Variants in GIT2 observed in about 807,000 individuals in gnomAD.
GIT2 encodes the protein GIT ArfGAP 2.
Under a neutral mutation model 100.3 loss-of-function variants are expected in GIT2, and 32 were observed. The observed-to-expected ratio is 0.32, with a 90% CI of 0.24 to 0.43. GIT2 has a LOEUF of 0.43. GIT2 is among the 20% of genes least tolerant of loss of function. The probability of loss-of-function intolerance (pLI) is 1.00; values close to 1 mark genes in which losing one functional copy is unlikely to be tolerated. For missense variants in GIT2, 737 were observed against 975.1 expected (o/e 0.76, Z 3.25); for synonymous variants, 353 against 364.1 (o/e 0.97, Z 0.35).
At chr12:109,970,057 T>G (rs1883473017) in intron 7 of GIT2, among the ~76,000 whole-genome samples, 1 of 152,020 alleles carries the variant, frequency 6.6e-6, no homozygotes, top group Non-Finnish European at 1.5e-5. Context: ...TGCCCGGACC[T>G]CTTACATTTT....
At chr12:109,965,630 C>T in intron 8 of GIT2, 53 bp from the exon 9 acceptor site, 2 of 1,145,770 alleles carry the variant, frequency 1.7e-6, no homozygotes, top group Admixed American at 3.7e-5. Flanking sequence ...GACTTGTGAA[C>T]TCTGTAAAGT....
At position 109,933,643 on chromosome 12, in the gene GIT2, C is replaced by T. The variant is rs1255651084; in HGVS notation, c.2067+379G>A. The T allele has an allele frequency of 9.3e-6, 2 of 214,596 alleles. No homozygotes were observed. Among genetic ancestry groups the T allele is most frequent in the East Asian group, 2.3e-4 (2 of 8,552 alleles). 13.3% of individuals were successfully genotyped at this position (214,596 alleles called of 1,614,324 possible). A position where few individuals can be genotyped will look rare whatever the true frequency, so the allele number is the denominator to read the frequency against. On this transcript the variant is annotated intron_variant, in intron 19 of 19. Transcript: ENST00000355312. This position sits in a 1 kb window ranked among gnomAD's most constrained non-coding sequence, Gnocchi z 4.5. ...GAGACTTGAGTTTCACTCTTGTTGC[C>T]CAGGCTGGAGCGCAATGGCACGATC... is the stretch of plus-strand genomic sequence containing the variant.
chr12:109,978,208 G>A (rs1174332206), intron 7 of GIT2, among the ~76,000 whole-genome samples: 1 of 150,114 alleles, frequency 6.7e-6, no homozygotes, highest in Non-Finnish European at 1.5e-5. Flanking sequence ...TCAGCTACCT[G>A]AGTAGCTGGG....
At position 109,938,494 on chromosome 12, in the gene GIT2, T is replaced by A; in HGVS notation, c.1889A>T (p.His630Leu). The A allele has an allele frequency of 6.2e-7, 1 of 1,613,816 alleles. No homozygotes were observed. The change falls in exon 18 of 20, where the codon CAT becomes CTT. Residue 630 changes from histidine (H) to leucine (L), a missense_variant. Physicochemically the swap from His to Leu is moderately conservative, Grantham distance 99. Around this residue, in one of 3 missense-constraint regions of GIT2, gnomAD observed 451 missense variants for 543.7 expected, o/e 0.83. Transcript: ENST00000355312. ...DGLVPDTAEPHVAPSPTLPST... is the reference protein window; with the variant it reads ...DGLVPDTAEPLVAPSPTLPST... ...AGGGAGAGTGGGGCTTGGGGCCACA[T>A]GGGGTTCTGCTGTGTCTGGTACCAA...
chr12:109,957,749 G>A (rs1245565204), intron 12 of GIT2, among the ~76,000 whole-genome samples: 1 of 151,914 alleles, frequency 6.6e-6, no homozygotes, highest in Non-Finnish European at 1.5e-5. Flanking sequence ...CTCGTGATCC[G>A]CCTGCCTTGG....
At chr12:109,991,818 A>G in intron 1 of GIT2, 58 bp from the exon 2 acceptor site, 1 of 1,472,276 alleles carries the variant, frequency 6.8e-7, no homozygotes, top group South Asian at 1.2e-5. Flanking sequence ...ATACCGCCAG[A>G]TGGCAAAAGA....
chr12:109,983,243 A>G (rs1485554856), intron 6 of GIT2, 130 bp downstream of exon 6: 2 of 833,932 alleles, frequency 2.4e-6, no homozygotes, highest in Non-Finnish European at 3.8e-6. Context: ...AAATGTCTTC[A>G]TCTGTAAAAT....
Position 109,945,327 on chromosome 12 carries a change from G to A in GIT2, c.1664C>T (p.Thr555Ile). 6.4e-7 allele frequency: 1 copy of A among 1,562,912 alleles called. No individual in the cohort carries two copies. Among genetic ancestry groups the A allele is most frequent in the Non-Finnish European group, 8.8e-7 (1 of 1,133,628 alleles). The change falls in exon 16 of 20, where the codon ACC (threonine) becomes ATC (isoleucine). Residue 555 changes from threonine to isoleucine, a missense_variant. Thr to Ile is a moderately conservative substitution (Grantham distance 89, BLOSUM62 -1). Coordinates refer to ENST00000355312, the MANE Select transcript of GIT2 (RefSeq NM_057169.5). ...PAHIGRSALV[T>I]SSSSLPSFPS... The stretch of plus-strand genomic sequence containing the variant: ...GAAGGAAGGCAGAGATGAAGAGGAG[G>A]TCACAAGTGCACTCCTCCCGATCTG...
At chr12:109,993,208 T>C (rs1230337772) in intron 1 of GIT2, among the ~76,000 whole-genome samples, 5 of 152,252 alleles carry the variant, frequency 3.3e-5, no homozygotes, top group Non-Finnish European at 7.4e-5. Context: ...GTAAGTAAAC[T>C]GAATACCTAG....
rs776096824 is a variant in GIT2 at position 109,989,729 on chromosome 12, A to G, written c.260T>C (p.Met87Thr). ...EHSLLDPASI[M>T]SGRRKANPQD... Reference sequence around the variant, plus strand: ...TGGATTAGCTTTACGTCTTCCACTCATAATAGACGCAGGGTCCAGCAAAGA... The same window carrying G: ...TGGATTAGCTTTACGTCTTCCACTCGTAATAGACGCAGGGTCCAGCAAAGA... Residue 87 changes from methionine to threonine, a missense_variant, in exon 3 of 20, where the codon ATG (methionine) becomes ACG (threonine). Around this residue, in one of 3 missense-constraint regions of GIT2, gnomAD observed 266 missense variants for 376.2 expected, o/e 0.71. Coordinates refer to ENST00000355312, the MANE Select transcript of GIT2 (RefSeq NM_057169.5). 1.9e-6 allele frequency: 3 copies of G among 1,594,760 alleles called. No homozygotes were observed. The highest frequency in any genetic ancestry group is 1.3e-5 in the African/African-American group (1 of 74,542).
chr12:109,948,990 C>T lies in GIT2; in HGVS notation c.1393-1486G>A. On this transcript the variant is annotated intron_variant, in intron 14 of 19. Coordinates refer to ENST00000355312, the MANE Select transcript of GIT2 (RefSeq NM_057169.5). This position sits in a 1 kb window ranked among gnomAD's most constrained non-coding sequence, Gnocchi z 4.3. ...TATACTTTATATTAATCATGCCAAACTGCTGTGAAAGTGTGACTTACTGCC... is the reference window on the plus strand; with the variant it reads ...TATACTTTATATTAATCATGCCAAATTGCTGTGAAAGTGTGACTTACTGCC... 1.6e-6 allele frequency: 1 copy of T among 610,856 alleles called. No individual in the cohort carries two copies. Among genetic ancestry groups the T allele is most frequent in the East Asian group, 2.9e-5 (1 of 34,792 alleles). 37.8% of individuals were successfully genotyped at this position (610,856 alleles called of 1,614,324 possible).
chr12:109,945,121 G>A (rs1023403559), intron 16 of GIT2, 139 bp downstream of exon 16: 39 of 624,846 alleles, frequency 6.2e-5, no homozygotes, highest in African/African-American at 4.5e-4. Flanking sequence ...CTGATGCACT[G>A]TGAGAAACCA....
At chr12:109,985,807 C>T (rs1344676986) in intron 4 of GIT2, among the ~76,000 whole-genome samples, 5 of 151,638 alleles carry the variant, frequency 3.3e-5, no homozygotes. Context: ...GAGCCGAGAT[C>T]GTGCCACTGC....
Position 109,938,382 on chromosome 12 carries a change from G to A in GIT2, c.2001C>T (p.Asp667=), listed in dbSNP as rs947404322. ...GCAGGGTCTTCAATCCTGCTTACCT[G>A]TCATGTTTATTTTCTTGGGCTGCTC... is the stretch of plus-strand genomic sequence containing the variant. ...LLRAAQENKH[D]SYIPCSERIH... The change falls in exon 18 of 20, where the codon GAC becomes GAT. Residue 667 remains aspartate, a splice_region_variant and synonymous_variant. Coordinates refer to ENST00000355312, the MANE Select transcript of GIT2 (RefSeq NM_057169.5). The A allele has an allele frequency of 6.2e-7, 1 of 1,610,948 alleles. No homozygotes were observed. Among genetic ancestry groups the A allele is most frequent in the Non-Finnish European group, 8.5e-7 (1 of 1,178,006 alleles).
In GIT2 at chr12:109,953,240, A is replaced by G. The variant is rs1471155455; in HGVS notation, c.1100-6T>C. On this transcript the variant is annotated splice_polypyrimidine_tract_variant and splice_region_variant and intron_variant, in intron 12 of 19. Coordinates refer to ENST00000355312, the MANE Select transcript of GIT2 (RefSeq NM_057169.5). The stretch of plus-strand genomic sequence containing the variant: ...CAGTATGAGCTCCACATTGTCTATC[A>G]ATAAAAGCAAACAACTTTACTTCAG... The G allele has an allele frequency of 6.2e-7, 1 of 1,612,868 alleles. No homozygotes were observed. Among genetic ancestry groups the G allele is most frequent in the African/African-American group, 1.3e-5 (1 of 74,876 alleles).
At chr12:109,963,072 T>C (rs1174629422) in intron 9 of GIT2, among the ~76,000 whole-genome samples, 1 of 152,134 alleles carries the variant, frequency 6.6e-6, no homozygotes, top group Non-Finnish European at 1.5e-5. Flanking sequence ...ATGGGTACCA[T>C]ATATTACTGA....
chr12:109,942,145 A>G (rs1282123966), intron 16 of GIT2, among the ~76,000 whole-genome samples: 2 of 151,994 alleles, frequency 1.3e-5, no homozygotes, highest in Admixed American at 6.5e-5. Flanking sequence ...TTTAAGTTTT[A>G]TTTTGGTTTT....
chr12:109,996,178 C>T lies in GIT2; in HGVS notation c.47G>A (p.Gly16Glu). ...RSSEVCADCS[G>E]PDPSWASVNR... ...GCCCGGCCGGTGCGACTCACCCGGCCCGCTGCAGTCAGCGCACACCTCGCT... is the reference window on the plus strand; with the variant it reads ...GCCCGGCCGGTGCGACTCACCCGGCTCGCTGCAGTCAGCGCACACCTCGCT... The change falls in exon 1 of 20, where the codon GGG becomes GAG. Residue 16 changes from glycine (G) to glutamate (E), a missense_variant. Physicochemically the swap from Gly to Glu is moderately conservative, Grantham distance 98. Coordinates refer to ENST00000355312, the MANE Select transcript of GIT2 (RefSeq NM_057169.5). 1 of 1,523,426 alleles carries T rather than the reference C, an allele frequency of 6.6e-7. No individual in the cohort carries two copies. The allele number at this position is 1,523,426 out of a possible 1,614,324, so 94.4% of individuals were successfully genotyped here.
At chr12:109,964,125 T>C (rs1441944762) in intron 9 of GIT2, among the ~76,000 whole-genome samples, 1 of 152,172 alleles carries the variant, frequency 6.6e-6, no homozygotes, top group Non-Finnish European at 1.5e-5. Flanking sequence ...TTGAATTATT[T>C]ATAATAAAAT....
Sources: allele counts gnomAD v4.1 joint callset (sites outside exome capture counted in the v4.1 genomes callset), GRCh38; gene constraint gnomAD v4.1.1; regional missense constraint gnomAD v4.1.1; non-coding constraint Gnocchi (gnomAD v3.1); transcripts MANE v1.5; gene names NCBI Gene and HGNC (gene_info 2026-07-23, HGNC 2026-07-21).